Variants in XDH observed in about 807,000 individuals in gnomAD.
The protein encoded by XDH is xanthine dehydrogenase, also known as xanthine dehydrogenase/oxidase.
In XDH, 138 loss-of-function variants were observed where a neutral mutation model predicts 156.1. The observed-to-expected ratio is 0.88, with a 90% CI of 0.77 to 1.02. XDH has a LOEUF of 1.02. XDH is among the 50% of genes least tolerant of loss of function. The pLI is 0.00. For synonymous variants in XDH, 669 were observed against 625.7 expected (o/e 1.07, Z -1.03); for missense variants, 1,849 against 1,684.9 (o/e 1.10, Z -1.71).
chr2:31,378,864 A>AAT (rs1686352288), intron 13 of XDH, among the ~76,000 whole-genome samples: 1 of 151,552 alleles, frequency 6.6e-6, no homozygotes, highest in South Asian at 2.1e-4. Context: ...AAAAAAAAAA[A>AAT]GTTTACTGAA....
Position 31,335,683 on chromosome 2 carries a change from C to G in XDH, c.*275G>C, listed in dbSNP as rs1416852500. On this transcript the variant is annotated 3_prime_UTR_variant, in exon 36 of 36. Coordinates refer to ENST00000379416, the MANE Select transcript of XDH (RefSeq NM_000379.4). ...GGAATAGCACAAACCCTTCCCGACC[C>G]TATTCCAGATACATGATTAAAACAG... The G allele has an allele frequency of 3.6e-6, 2 of 553,166 alleles. No individual in the cohort carries two copies. Among genetic ancestry groups the G allele is most frequent in the East Asian group, 3.2e-5 (1 of 31,244 alleles). 34.3% of individuals were successfully genotyped at this position (553,166 alleles called of 1,614,324 possible). A position where few individuals can be genotyped will look rare whatever the true frequency, so the allele number is the denominator to read the frequency against.
At chr2:31,372,197 TC>T in intron 17 of XDH, 30 bp downstream of exon 17, 2 of 1,614,072 alleles carry the variant, frequency 1.2e-6, no homozygotes, top group Non-Finnish European at 1.7e-6. Flanking sequence ...CTCACAGCAT[TC>T]CACCAGCTCC....
At chr2:31,368,475 C>A (rs1685980487) in intron 19 of XDH, 66 bp downstream of exon 19, 1 of 1,598,082 alleles carries the variant, frequency 6.3e-7, no homozygotes, top group African/African-American at 1.3e-5. Flanking sequence ...TCCAGGGGAT[C>A]CTAATACATG....
rs376965496 is a variant in XDH at position 31,348,325 on chromosome 2, C to T, written c.3090G>A (p.Val1030=). 5 of 1,614,202 alleles carry T rather than the reference C, an allele frequency of 3.1e-6. No individual in the cohort carries two copies. In the African/African-American group the frequency reaches 4.0e-5, roughly 13 times the overall value. ...TCTCAGTCCCCCCGTGGGTCAGCAG[C>T]ACAGAGCCATCTGTGTACACATGAA... ...ALLHVYTDGS[V]LLTHGGTEMG... The change falls in exon 28 of 36, where the codon GTG becomes GTA. Residue 1030 remains valine, a synonymous_variant. Coordinates refer to ENST00000379416, the MANE Select transcript of XDH (RefSeq NM_000379.4).
intron 11 of XDH, among the ~76,000 whole-genome samples, chr2:31,382,679 A>G (rs1686470456): frequency 6.6e-6 from 1 of 152,186 alleles, no homozygotes; most frequent in Non-Finnish European, 1.5e-5. Flanking sequence ...AGCCAAGCTC[A>G]GGAAGGGGGA....
At chr2:31,376,519 C>G (rs1278813346) in intron 14 of XDH, among the ~76,000 whole-genome samples, 2 of 149,168 alleles carry the variant, frequency 1.3e-5, no homozygotes, top group Admixed American at 1.3e-4. Flanking sequence ...TAGTAAAATA[C>G]TAGTATAACA....
In XDH at chr2:31,397,698, G is replaced by T. The variant is rs757499426; in HGVS notation, c.465C>A (p.Pro155=). Residue 155 remains proline (P), a synonymous_variant, in exon 6 of 36, where the codon CCC becomes CCA. Transcript: ENST00000379416. Reference sequence around the variant, plus strand: ...CAAAGGTCCGGAAGCCCTGGAGGATGGGTCTGTAGCCTGTGCAGCGGCACA... The same window carrying T: ...CAAAGGTCCGGAAGCCCTGGAGGATTGGTCTGTAGCCTGTGCAGCGGCACA... ...GNLCRCTGYR[P]ILQGFRTFAR... is the part of the protein sequence containing the mutation. 4.3e-6 allele frequency: 7 copies of T among 1,614,228 alleles called. No homozygotes were observed. The highest frequency in any genetic ancestry group is 5.1e-6 in the Non-Finnish European group (6 of 1,180,030).
At chr2:31,373,634 G>T (rs1050977977) in intron 16 of XDH, among the ~76,000 whole-genome samples, 3 of 152,018 alleles carry the variant, frequency 2.0e-5, no homozygotes, top group Non-Finnish European at 4.4e-5. Flanking sequence ...AAATCTGTAA[G>T]GAAGAGGGGC....
In XDH at chr2:31,378,128, A is replaced by AAAGAAAGAAAG. The variant is rs1364813224; in HGVS notation, c.1243-892_1243-891insCTTTCTTTCTT. Among the ~76,000 whole-genome samples the AAAGAAAGAAAG allele has an allele frequency of 1.3e-4, 8 of 63,840 alleles. 2 individuals carry two copies. Among genetic ancestry groups the AAAGAAAGAAAG allele is most frequent in the African/African-American group, 4.1e-4 (7 of 17,120 alleles). The allele number at this position is 63,840 out of a possible 152,430, so 41.9% of individuals were successfully genotyped here. On this transcript the variant is annotated intron_variant, in intron 13 of 35. Coordinates refer to ENST00000379416, the MANE Select transcript of XDH (RefSeq NM_000379.4). ...AAAGAAAGGAAGGAAGGAAGGAAGG[A>AAAGAAAGAAAG]AGGAAGGAAGGAAGGAAGGAAGGAA...
intron 10 of XDH, 107 bp downstream of exon 10, chr2:31,383,648 G>T: frequency 9.7e-7 from 1 of 1,035,296 alleles, no homozygotes; most frequent in South Asian, 1.4e-5. Flanking sequence ...GAGAAGCAGG[G>T]GGCAGCCAGA....
In XDH at chr2:31,366,934, A is replaced by G. The variant is rs1176131625; in HGVS notation, c.2258T>C (p.Val753Ala). Residue 753 changes from valine to alanine, a missense_variant, in exon 21 of 36, where the codon GTT (valine) becomes GCT (alanine). By Grantham distance (64) the Val-to-Ala change is moderately conservative. Coordinates refer to ENST00000379416, the MANE Select transcript of XDH (RefSeq NM_000379.4). ...FYLETHCTIA[V>A]PKGEAGEMEL... is the part of the protein sequence containing the mutation. ...CATCTCCCCTGCCTCGCCTTTTGGA[A>G]CAGCAATGGTGCAGTGAGTCTCCAG... 3 of 1,614,236 alleles carry G rather than the reference A, an allele frequency of 1.9e-6. No individual in the cohort carries two copies. The East Asian group carries it at 6.7e-5, about 36-fold the overall frequency.
rs1261039950 is a variant in XDH at position 31,368,064 on chromosome 2, A to G, written c.2101-7T>C. The G allele has an allele frequency of 1.2e-6, 2 of 1,613,806 alleles. No individual in the cohort carries two copies. ...AGTTGTTCTTTATAGCATCCTGAGG[A>G]TCACAAAGAAGTTTCAGAAATGTGG... On this transcript the variant is annotated splice_polypyrimidine_tract_variant and splice_region_variant and intron_variant, in intron 19 of 35. Transcript: ENST00000379416.
intron 15 of XDH, among the ~76,000 whole-genome samples, chr2:31,374,739 T>C (rs1327971480): frequency 6.6e-6 from 1 of 152,162 alleles, no homozygotes; most frequent in Non-Finnish European, 1.5e-5. Context: ...TGCAGTTGTC[T>C]CCCAAGTGTG....
rs1685334072 is a variant in XDH at position 31,347,546 on chromosome 2, A to G, written c.3252T>C (p.Ala1084=). The change falls in exon 29 of 36, where the codon GCT becomes GCC. Residue 1084 remains alanine (A), a synonymous_variant. Transcript: ENST00000379416. ...NTSPTAASVS[A]DLNGQAVYAA... ...CATAGACGGCCTGTCCATTGAGGTC[A>G]GCGCTGACAGAGGCAGCCGTGGGAG... 1 of 1,614,126 alleles carries G rather than the reference A, an allele frequency of 6.2e-7. No individual in the cohort carries two copies. The highest frequency in any genetic ancestry group is 8.5e-7 in the Non-Finnish European group (1 of 1,180,030).
chr2:31,402,388 A>G (rs1687083613), intron 3 of XDH, among the ~76,000 whole-genome samples: 1 of 152,000 alleles, frequency 6.6e-6, no homozygotes, highest in Non-Finnish European at 1.5e-5. Flanking sequence ...GAGCTCATGA[A>G]CTGTTGTTTT....
chr2:31,404,657 G>C (rs1687148663), intron 2 of XDH, among the ~76,000 whole-genome samples: 1 of 152,190 alleles, frequency 6.6e-6, no homozygotes, highest in South Asian at 2.1e-4. Context: ...CTCTGAGAAT[G>C]AGCTTCTCTT....
chr2:31,342,367 G>A (rs939620127), intron 31 of XDH, 70 bp from the exon 32 acceptor site: 1 of 1,336,432 alleles, frequency 7.5e-7, no homozygotes, highest in African/African-American at 1.4e-5. Context: ...TGCACGTACA[G>A]CTTGACCCAC....
In XDH at chr2:31,342,557, C is replaced by A. The variant is rs142931410; in HGVS notation, c.3405-260G>T. 4.1e-3 allele frequency among the ~76,000 whole-genome samples: 631 copies of A among 152,282 alleles called. 3 individuals are homozygous for A. The highest frequency in any genetic ancestry group is 0.014 in the African/African-American group (586 of 41,546). On this transcript the variant is annotated intron_variant, in intron 31 of 35. Transcript: ENST00000379416. The stretch of plus-strand genomic sequence containing the variant: ...CTGTACAGCCTAGCAGTGTTTAGTA[C>A]CATGCTAGCCTCTGCACAGTAGAAA...
chr2:31,405,555 G>A (rs1441061459), intron 2 of XDH, among the ~76,000 whole-genome samples: 4 of 152,136 alleles, frequency 2.6e-5, no homozygotes, highest in Non-Finnish European at 2.9e-5. Context: ...CTCCATTTAT[G>A]TATTAAGCAA....
Sources: allele counts gnomAD v4.1 joint callset (sites outside exome capture counted in the v4.1 genomes callset), GRCh38; gene constraint gnomAD v4.1.1; transcripts MANE v1.5; gene names NCBI Gene and HGNC (gene_info 2026-07-23, HGNC 2026-07-21).